BRAF: variants seen among roughly 807,000 people sequenced by gnomAD.
The protein encoded by BRAF is serine/threonine-protein kinase B-raf.
In BRAF, 16 loss-of-function variants were observed where a neutral mutation model predicts 104.6. That is an observed-to-expected ratio of 0.15 (90% confidence interval 0.10 to 0.23). BRAF has a LOEUF of 0.23. Among genes scored for constraint, BRAF ranks in the 10% least tolerant of loss-of-function variants. The pLI, the probability that BRAF is intolerant of heterozygous loss-of-function variation, is 1.00. For missense variants in BRAF, 541 were observed against 937.3 expected, an observed-to-expected ratio of 0.58 and a Z score of 5.52; for synonymous variants, 310 against 341.6, an observed-to-expected ratio of 0.91 and a Z score of 1.02.
chr7:140,804,406 T>TTTGGG (rs1554403975), intron 5 of BRAF, among the ~76,000 whole-genome samples: 2 of 147,260 alleles, frequency 1.4e-5, no homozygotes, highest in African/African-American at 5.2e-5. Flanking sequence ...GTTTTTTTTT[T>TTTGGG]GGGGGGGGTG....
At chr7:140,785,037 A>G (rs1485660523) in intron 10 of BRAF, among the ~76,000 whole-genome samples, 2 of 152,240 alleles carry the variant, frequency 1.3e-5, no homozygotes, top group Non-Finnish European at 2.9e-5. Context: ...ACTTTCTTCT[A>G]TTAGGACATA....
Position 140,721,816 on chromosome 7 carries a change from G to A in BRAF, c.*4678C>T. ...TTACATCCAATGGCCAGGTCATAAA[G>A]GATGCCTTGAGACCTCCACCCTGGC... On this transcript the variant is annotated 3_prime_UTR_variant, in exon 20 of 20. Transcript: ENST00000644969. 7.2e-7 allele frequency: 1 copy of A among 1,398,210 alleles called. No homozygotes were observed. Among genetic ancestry groups the A allele is most frequent in the African/African-American group, 1.5e-5 (1 of 68,020 alleles). 86.6% of individuals were successfully genotyped at this position (1,398,210 alleles called of 1,614,324 possible).
downstream of BRAF, among the ~76,000 whole-genome samples, chr7:140,717,064 C>A (rs971460021): frequency 6.6e-6 from 1 of 152,284 alleles, no homozygotes; most frequent in South Asian, 2.1e-4. Flanking sequence ...TGGAGCATGC[C>A]TAACACAACA....
intron 8 of BRAF, among the ~76,000 whole-genome samples, chr7:140,793,501 A>T (rs539061620): frequency 1.3e-5 from 2 of 151,986 alleles, no homozygotes; most frequent in African/African-American, 4.8e-5. Flanking sequence ...ATTAAAATTT[A>T]TAAGTTTTTC....
intron 19 of BRAF, chr7:140,734,082 AAAG>A: frequency 9.7e-7 from 1 of 1,035,584 alleles, no homozygotes; most frequent in South Asian, 4.6e-5. Flanking sequence ...ATTGTTATAA[AAAG>A]AAATAGTTAT....
At chr7:140,777,157 C>CA (rs2129018775) in intron 13 of BRAF, 69 bp from the exon 13 acceptor site, 6 of 1,507,304 alleles carry the variant, frequency 4.0e-6, no homozygotes, top group Non-Finnish European at 9.2e-7. Flanking sequence ...AAAAGAGAAC[C>CA]AAAGTAGTCT....
At chr7:140,761,399 G>A (rs1330861106) in intron 14 of BRAF, among the ~76,000 whole-genome samples, 1 of 152,012 alleles carries the variant, frequency 6.6e-6, no homozygotes, top group South Asian at 2.1e-4. Context: ...CACTAAACAT[G>A]GAAAGGAACA....
chr7:140,862,079 T>C (rs1299472062), intron 1 of BRAF, among the ~76,000 whole-genome samples: 3 of 152,182 alleles, frequency 2.0e-5, no homozygotes, highest in South Asian at 2.1e-4. Flanking sequence ...CCTAGACCTA[T>C]GTAACTGCAA....
intron 14 of BRAF, among the ~76,000 whole-genome samples, chr7:140,767,617 A>G (rs909311190): frequency 6.6e-6 from 1 of 152,200 alleles, no homozygotes; most frequent in African/African-American, 2.4e-5. Flanking sequence ...CAGTGTCTAA[A>G]AGAGGACAGT....
intron 1 of BRAF, among the ~76,000 whole-genome samples, chr7:140,920,040 A>G (rs1818049048): frequency 6.6e-6 from 1 of 152,162 alleles, no homozygotes; most frequent in Admixed American, 6.5e-5. Flanking sequence ...AGAATAACCA[A>G]TGTAAGTTAA....
Position 140,722,947 on chromosome 7 carries a change from T to C in BRAF, c.*3547A>G. On this transcript the variant is annotated 3_prime_UTR_variant, in exon 20 of 20. Transcript: ENST00000644969. Reference sequence around the variant, plus strand: ...ATTACTGCTTAAATGTATAATGCCCTTTAGGACAAAATGAGAGTGCTCAAA... The same window carrying C: ...ATTACTGCTTAAATGTATAATGCCCCTTAGGACAAAATGAGAGTGCTCAAA... 1 of 1,054,960 alleles carries C rather than the reference T, an allele frequency of 9.5e-7. No homozygotes were observed. The highest frequency in any genetic ancestry group is 1.7e-5 in the African/African-American group (1 of 60,544). The allele number at this position is 1,054,960 out of a possible 1,614,324, so 65.3% of individuals were successfully genotyped here.
chr7:140,829,368 T>C (rs1806459187), intron 3 of BRAF, among the ~76,000 whole-genome samples: 1 of 149,510 alleles, frequency 6.7e-6, no homozygotes, highest in African/African-American at 2.5e-5. Flanking sequence ...TGGTATTTAA[T>C]CTCTTGATTC....
At chr7:140,832,616 T>C (rs1395050563) in intron 3 of BRAF, among the ~76,000 whole-genome samples, 3 of 152,330 alleles carry the variant, frequency 2.0e-5, no homozygotes, top group East Asian at 3.9e-4. Flanking sequence ...GTTCACGATA[T>C]ACAGTTTTTC....
intron 14 of BRAF, among the ~76,000 whole-genome samples, chr7:140,760,424 A>G (rs1464443370): frequency 6.1e-5 from 9 of 146,822 alleles, no homozygotes; most frequent in South Asian, 2.1e-4. Context: ...AGAGAGAGAA[A>G]AAAAAAAAAA....
chr7:140,774,922 T>G (rs1189389150), intron 14 of BRAF, among the ~76,000 whole-genome samples: 1 of 152,158 alleles, frequency 6.6e-6, no homozygotes, highest in Non-Finnish European at 1.5e-5. Context: ...TTAACAGTTA[T>G]GTACTGAGTA....
At chr7:140,787,685 T>A in intron 8 of BRAF, 101 bp from the exon 9 acceptor site, 1 of 974,030 alleles carries the variant, frequency 1.0e-6, no homozygotes, top group Non-Finnish European at 1.6e-6. Context: ...ATTATTTTAT[T>A]AATTAAAACA....
intron 19 of BRAF, among the ~76,000 whole-genome samples, chr7:140,729,105 T>C (rs1372716060): frequency 4.7e-5 from 7 of 148,246 alleles, no homozygotes; most frequent in Non-Finnish European, 1.0e-4. Flanking sequence ...TGGTGGCACA[T>C]GCATGTAGTC....
intron 5 of BRAF, among the ~76,000 whole-genome samples, chr7:140,806,148 C>T (rs965843424): frequency 6.6e-6 from 1 of 152,072 alleles, no homozygotes; most frequent in Non-Finnish European, 1.5e-5. Context: ...AGGTAACATG[C>T]TTTCTTGCTC....
intron 3 of BRAF, among the ~76,000 whole-genome samples, chr7:140,814,949 AGTTT>A (rs982745018): frequency 1.3e-5 from 2 of 151,252 alleles, no homozygotes; most frequent in Non-Finnish European, 2.9e-5. Flanking sequence ...TTAATTTGGT[AGTTT>A]GTTTTACAGT....
Sources: allele counts gnomAD v4.1 joint callset (sites outside exome capture counted in the v4.1 genomes callset), GRCh38; gene constraint gnomAD v4.1.1; transcripts MANE v1.5; gene names NCBI Gene and HGNC (gene_info 2026-07-23, HGNC 2026-07-21).